Variants in RALYL observed in about 807,000 individuals in gnomAD.
RALYL encodes the protein RALY RNA binding protein like.
Under a neutral mutation model 35.1 loss-of-function variants are expected in RALYL, and 29 were observed. The ratio of observed to expected loss-of-function variants is 0.83; its 90% confidence interval spans 0.61 to 1.13. The LOEUF is 1.13. Among genes scored for constraint, RALYL ranks in the 50% most tolerant of loss-of-function variants. The pLI is 0.00. For synonymous variants in RALYL, 120 were observed against 127.6 expected (o/e 0.94, Z 0.40); for missense variants, 359 against 360.4 (o/e 1.00, Z 0.03).
chr8:84,677,095 C>T (rs112849068), intron 2 of RALYL, among the ~76,000 whole-genome samples: 17 of 152,018 alleles, frequency 1.1e-4, no homozygotes, highest in Non-Finnish European at 1.8e-4. Context: ...CCACCCTGCC[C>T]GTAATGCACT....
intron 2 of RALYL, among the ~76,000 whole-genome samples, chr8:84,705,264 G>A (rs1840991633): frequency 6.6e-6 from 1 of 152,134 alleles, no homozygotes; most frequent in South Asian, 2.1e-4. Context: ...CCCAACTACT[G>A]TCAAAGTAGA....
intron 2 of RALYL, among the ~76,000 whole-genome samples, chr8:84,589,190 G>A (rs910253737): frequency 6.6e-5 from 10 of 152,138 alleles, no homozygotes; most frequent in South Asian, 6.2e-4. Flanking sequence ...GAGCCACCAC[G>A]CCCGGACTTG....
chr8:84,719,144 A>G, intron 2 of RALYL, among the ~76,000 whole-genome samples: 1 of 152,104 alleles, frequency 6.6e-6, no homozygotes, highest in East Asian at 1.9e-4. Flanking sequence ...TGTAATTGAT[A>G]ATTTATCTAG....
intron 7 of RALYL, among the ~76,000 whole-genome samples, chr8:84,874,625 G>T (rs949206154): frequency 2.0e-5 from 3 of 152,182 alleles, no homozygotes; most frequent in African/African-American, 7.2e-5. Context: ...GTGAGGGTTG[G>T]AGCGTACCCT....
chr8:84,245,073 A>AT (rs1282130282), intron 1 of RALYL, among the ~76,000 whole-genome samples: 3 of 152,162 alleles, frequency 2.0e-5, no homozygotes, highest in Non-Finnish European at 4.4e-5. Context: ...TAGATGAGCA[A>AT]CCTTGAGCTT....
intron 2 of RALYL, among the ~76,000 whole-genome samples, chr8:84,757,494 G>C: frequency 6.6e-6 from 1 of 152,126 alleles, no homozygotes; most frequent in East Asian, 1.9e-4. Context: ...TTATATGCTA[G>C]TCAATATTTA....
rs141233843 is a variant in RALYL, at chr8:84,609,729, C to A, written c.256+80152C>A. Among the ~76,000 whole-genome samples the A allele has an allele frequency of 1.6e-3, 246 of 152,148 alleles. 1 individual carries two copies. Among genetic ancestry groups the A allele is most frequent in the African/African-American group, 5.4e-3 (223 of 41,508 alleles). On this transcript the variant is annotated intron_variant, in intron 2 of 8. Transcript: ENST00000521268. ...ATCTTATATTAGCACAATGTATTTC[C>A]GGTAATTATTGAACCAATGTTGATG...
At chr8:84,390,644 T>C (rs1442559603) in intron 1 of RALYL, among the ~76,000 whole-genome samples, 1 of 152,124 alleles carries the variant, frequency 6.6e-6, no homozygotes, top group Non-Finnish European at 1.5e-5. Flanking sequence ...GTGTTTGTAG[T>C]AATCTCTGAT....
intron 2 of RALYL, among the ~76,000 whole-genome samples, chr8:84,687,052 CA>C (rs1836952415): frequency 6.6e-6 from 1 of 152,026 alleles, no homozygotes. Flanking sequence ...AATTCTAATC[CA>C]GGGGTAATCA....
intron 2 of RALYL, among the ~76,000 whole-genome samples, chr8:84,768,642 A>G (rs2718964): frequency 0.23 from 35,012 of 152,164 alleles, 4,258 homozygotes; most frequent in Non-Finnish European, 0.25. Flanking sequence ...GCTCACTTCC[A>G]CTGCCCAGCA....
intron 2 of RALYL, among the ~76,000 whole-genome samples, chr8:84,702,931 T>C (rs1309648517): frequency 5.3e-5 from 8 of 152,112 alleles, no homozygotes; most frequent in Non-Finnish European, 5.9e-5. Flanking sequence ...AATTAAGGCA[T>C]AAAACTGATT....
intron 8 of RALYL, among the ~76,000 whole-genome samples, chr8:84,898,859 C>T: frequency 6.6e-6 from 1 of 152,180 alleles, no homozygotes; most frequent in East Asian, 1.9e-4. Flanking sequence ...TCAGGCACAT[C>T]CTCCACAACT....
At chr8:84,436,205 A>T (rs1442658254) in intron 1 of RALYL, among the ~76,000 whole-genome samples, 1 of 152,142 alleles carries the variant, frequency 6.6e-6, no homozygotes, top group Non-Finnish European at 1.5e-5. Context: ...TCTGATATGG[A>T]TGACTAAGAG....
chr8:84,236,457 A>G (rs888975311), intron 1 of RALYL, among the ~76,000 whole-genome samples: 1 of 152,150 alleles, frequency 6.6e-6, no homozygotes, highest in African/African-American at 2.4e-5. Flanking sequence ...CTTTATTGCC[A>G]TTCAGTGGTG....
intron 1 of RALYL, among the ~76,000 whole-genome samples, chr8:84,188,191 A>G (rs1345648315): frequency 6.6e-6 from 1 of 152,044 alleles, no homozygotes; most frequent in Non-Finnish European, 1.5e-5. Flanking sequence ...TTTGCTGTAC[A>G]GATAGTTTTA....
chr8:84,540,214 T>C (rs943095541), intron 2 of RALYL, among the ~76,000 whole-genome samples: 13 of 151,934 alleles, frequency 8.6e-5, no homozygotes, highest in African/African-American at 3.1e-4. Context: ...TCCTTGCTTA[T>C]TCTAGAATAA....
At chr8:84,691,578 A>G (rs1838059953) in intron 2 of RALYL, among the ~76,000 whole-genome samples, 1 of 152,038 alleles carries the variant, frequency 6.6e-6, no homozygotes, top group East Asian at 1.9e-4. Flanking sequence ...TTAAAGAAAG[A>G]GCAAATGAGC....
intron 2 of RALYL, among the ~76,000 whole-genome samples, chr8:84,579,565 C>T (rs57887229): frequency 6.6e-6 from 1 of 152,186 alleles, no homozygotes; most frequent in Non-Finnish European, 1.5e-5. Flanking sequence ...CCAGACAGGG[C>T]TGGCATCAGC....
rs116957456 is a variant in RALYL at position 84,447,304 on chromosome 8, G to A, written c.-23-81995G>A. Among the ~76,000 whole-genome samples the A allele has an allele frequency of 7.4e-3, 1,131 of 152,126 alleles. 5 individuals are homozygous for A. Among genetic ancestry groups the A allele is most frequent in the Non-Finnish European group, 0.011 (775 of 67,960 alleles). ...CTTCACCTACTCAGGAACACATTCC[G>A]GTTCTGAATCTTCGTGTCTGGATCC... On this transcript the variant is annotated intron_variant, in intron 1 of 8. Coordinates refer to ENST00000521268, the MANE Select transcript of RALYL (RefSeq NM_173848.7).
Sources: allele counts gnomAD v4.1 joint callset (sites outside exome capture counted in the v4.1 genomes callset), GRCh38; gene constraint gnomAD v4.1.1; transcripts MANE v1.5; gene names NCBI Gene and HGNC (gene_info 2026-07-23, HGNC 2026-07-21).